The following TF variants were observed in gnomAD, a reference collection of about 807,000 sequenced individuals.
TF encodes the protein transferrin, also known as serotransferrin.
In TF, 55 loss-of-function variants were observed where a neutral mutation model predicts 82.4. That is an observed-to-expected ratio of 0.67 (90% CI 0.54 to 0.84). TF has a LOEUF of 0.84. Among genes scored for constraint, TF ranks in the 40% least tolerant of loss-of-function variants. The pLI is 0.00. For missense variants in TF, 737 were observed against 868.4 expected (o/e 0.85, Z 1.90); for synonymous variants, 332 against 332.6 (o/e 1.00, Z 0.02).
chr3:133,732,498 G>T, the TF span, among the ~76,000 whole-genome samples: 1 of 152,216 alleles, frequency 6.6e-6, no homozygotes, highest in African/African-American at 2.4e-5. Context: ...TAGGCCACCA[G>T]AGCCAACAGC....
the TF span, chr3:133,699,563 C>A: frequency 2.8e-6 from 2 of 722,144 alleles, no homozygotes; most frequent in South Asian, 2.6e-5. Context: ...CTCATACTGT[C>A]ATGGCCTGAA....
chr3:133,683,950 A>G, the TF span, among the ~76,000 whole-genome samples: 81 of 152,344 alleles, frequency 5.3e-4, no homozygotes, highest in South Asian at 1.2e-3. Context: ...ACATAGTTGG[A>G]AGTAAAGCTC....
At chr3:133,758,545 A>G (rs1349919726) in intron 8 of TF, among the ~76,000 whole-genome samples, 2 of 152,232 alleles carry the variant, frequency 1.3e-5, no homozygotes, top group East Asian at 3.8e-4. Context: ...TTGGATGATG[A>G]ATTACAAAGT....
At chr3:133,746,143 C>G (rs1576352948), upstream of TF, 1 of 507,466 alleles carries the variant, frequency 2.0e-6, no homozygotes, top group South Asian at 2.0e-5. Flanking sequence ...TGGCACCGAG[C>G]GAGCCGCGAT....
At chr3:133,698,206 A>G in the TF span, among the ~76,000 whole-genome samples, 3 of 152,344 alleles carry the variant, frequency 2.0e-5, no homozygotes, top group African/African-American at 4.8e-5. Flanking sequence ...GTGTACTTTC[A>G]CTTCAATCAA....
the TF span, among the ~76,000 whole-genome samples, chr3:133,733,164 A>G: frequency 1.3e-5 from 2 of 152,296 alleles, no homozygotes; most frequent in East Asian, 1.9e-4. Flanking sequence ...TTTAAAATCC[A>G]AATTATTTGA....
At chr3:133,775,678 G>A (rs1934371644) in intron 15 of TF, 61 bp downstream of exon 15, 3 of 1,572,582 alleles carry the variant, frequency 1.9e-6, no homozygotes, top group South Asian at 1.1e-5. Flanking sequence ...TATTCGGGGG[G>A]AGTTTACAAC....
At chr3:133,729,171 C>T in the TF span, among the ~76,000 whole-genome samples, 7 of 152,168 alleles carry the variant, frequency 4.6e-5, no homozygotes, top group Non-Finnish European at 1.0e-4. Context: ...CTGGGAGAAC[C>T]ACTGCTCTCT....
At chr3:133,692,280 T>G in the TF span, among the ~76,000 whole-genome samples, 1 of 152,222 alleles carries the variant, frequency 6.6e-6, no homozygotes, top group African/African-American at 2.4e-5. Context: ...CCCATACTTG[T>G]CCATTAGTGT....
the TF span, among the ~76,000 whole-genome samples, chr3:133,683,541 T>G: frequency 4.6e-4 from 70 of 151,444 alleles, no homozygotes; most frequent in Non-Finnish European, 2.1e-4. Flanking sequence ...AAAAAAGCAG[T>G]GGTTGCAATC....
At chr3:133,688,626 C>CTCTTGT in the TF span, among the ~76,000 whole-genome samples, 1 of 152,088 alleles carries the variant, frequency 6.6e-6, no homozygotes, top group Non-Finnish European at 1.5e-5. Context: ...AGTAAAATAC[C>CTCTTGT]TATGTCAAGC....
chr3:133,727,250 T>G, the TF span, among the ~76,000 whole-genome samples: 1 of 152,060 alleles, frequency 6.6e-6, no homozygotes, highest in African/African-American at 2.4e-5. Flanking sequence ...ATGTTGATAG[T>G]GGGGTGTTAA....
chr3:133,704,253 T>C, the TF span: 36 of 227,796 alleles, frequency 1.6e-4, no homozygotes, highest in South Asian at 1.7e-3. Flanking sequence ...TGAGCTTGGA[T>C]GCAGGATTCA....
chr3:133,764,304 T>G (rs774282220), intron 10 of TF, 29 bp downstream of exon 10: 2 of 1,570,410 alleles, frequency 1.3e-6, no homozygotes, highest in Non-Finnish European at 1.8e-6. Flanking sequence ...CTCTCTGTGT[T>G]TTCTTCCCTC....
the TF span, chr3:133,688,391 G>A: frequency 1.3e-5 from 2 of 152,272 alleles, no homozygotes; most frequent in Non-Finnish European, 2.9e-5. Flanking sequence ...CTAAAACACA[G>A]TGGAAGAAAG....
At chr3:133,691,087 A>G in the TF span, among the ~76,000 whole-genome samples, 78 of 152,354 alleles carry the variant, frequency 5.1e-4, no homozygotes, top group Middle Eastern at 3.4e-3. Flanking sequence ...GCATACAGAA[A>G]CATAATAGTA....
At position 133,793,291 on chromosome 3, in the gene TF, C is replaced by T. The variant is rs1198957000; in HGVS notation, c.*14671C>T. On this transcript the variant is annotated 3_prime_UTR_variant, in exon 17 of 17. Coordinates refer to ENST00000402696, the MANE Select transcript of TF (RefSeq NM_001063.4). ...AGTCATCATTTTGCTAAATGAATGACTATGGTAACCTGGAATTCCATTTCA... is the reference window on the plus strand; with the variant it reads ...AGTCATCATTTTGCTAAATGAATGATTATGGTAACCTGGAATTCCATTTCA... 6.6e-6 allele frequency: 1 copy of T among 152,064 alleles called. No homozygotes were observed. Among genetic ancestry groups the T allele is most frequent in the Non-Finnish European group, 1.5e-5 (1 of 67,976 alleles). The allele number at this position is 152,064 out of a possible 1,614,324, so 9.4% of individuals were successfully genotyped here.
the TF span, among the ~76,000 whole-genome samples, chr3:133,677,159 A>G: frequency 2.0e-5 from 3 of 152,312 alleles, no homozygotes; most frequent in East Asian, 5.8e-4. Flanking sequence ...GCCCTTGCTT[A>G]AGAACTTTCT....
the TF span, among the ~76,000 whole-genome samples, chr3:133,725,786 T>C: frequency 6.6e-6 from 1 of 152,116 alleles, no homozygotes; most frequent in East Asian, 1.9e-4. Context: ...TGATATTGGC[T>C]GTGGGTTTGT....
Sources: gnomAD v4.1 joint callset for allele counts (sites outside exome capture counted in the v4.1 genomes callset) on GRCh38, gnomAD v4.1.1 for gene constraint, MANE v1.5 for transcripts, NCBI Gene and HGNC (gene_info 2026-07-23, HGNC 2026-07-21) for gene names.